MAML1: variants seen among roughly 807,000 people sequenced by gnomAD.
MAML1 encodes mastermind like transcriptional coactivator 1, also known as mastermind-like protein 1.
In MAML1, 14 loss-of-function variants were observed where a neutral mutation model predicts 77.1. That is an observed-to-expected ratio of 0.18 (90% CI 0.12 to 0.28). The LOEUF is 0.28. Ranked by LOEUF, MAML1 falls within the 10% of genes least tolerant of loss-of-function variation. The pLI, the probability that MAML1 is intolerant of heterozygous loss-of-function variation, is 1.00. For synonymous variants in MAML1, 516 were observed against 551.9 expected, an observed-to-expected ratio of 0.93 and a Z score of 0.91; for missense variants, 1,217 against 1,327.8, an observed-to-expected ratio of 0.92 and a Z score of 1.30.
Position 179,775,875 on chromosome 5 carries a change from G to A in MAML1, c.*998G>A, listed in dbSNP as rs750229949. 8.9e-5 allele frequency: 88 copies of A among 985,442 alleles called. No homozygotes were observed. Among genetic ancestry groups the A allele is most frequent in the Non-Finnish European group, 1.0e-4 (85 of 829,942 alleles). 61.0% of individuals were successfully genotyped at this position (985,442 alleles called of 1,614,324 possible). A position where few individuals can be genotyped will look rare whatever the true frequency, so the allele number is the denominator to read the frequency against. On this transcript the variant is annotated 3_prime_UTR_variant, in exon 5 of 5. Coordinates refer to ENST00000292599, the MANE Select transcript of MAML1 (RefSeq NM_014757.5). The stretch of plus-strand genomic sequence containing the variant: ...ATTATTTACTCCATTGGAGGGAAAG[G>A]AAGAGTCTTAGAATTCCTAAGGGAA...
chr5:179,753,762 G>A (rs1332215340), intron 1 of MAML1, among the ~76,000 whole-genome samples: 2 of 147,082 alleles, frequency 1.4e-5, no homozygotes, highest in Non-Finnish European at 1.5e-5. Flanking sequence ...TCCCGGGCCC[G>A]GGTTCAAGTG....
rs1345682363 is a variant in MAML1 at position 179,777,072 on chromosome 5, A to G, written c.*2195A>G. ...TTTTACTTTTATAGATTTTAAAACT[A>G]TGATCCTTTATATGTGTGTTTTGGG... On this transcript the variant is annotated 3_prime_UTR_variant, in exon 5 of 5. Transcript: ENST00000292599. The G allele has an allele frequency of 1.0e-6, 1 of 984,232 alleles. No individual in the cohort carries two copies. Among genetic ancestry groups the G allele is most frequent in the Admixed American group, 6.2e-5 (1 of 16,258 alleles). 61.0% of individuals were successfully genotyped at this position (984,232 alleles called of 1,614,324 possible). A position where few individuals can be genotyped will look rare whatever the true frequency, so the allele number is the denominator to read the frequency against.
At chr5:179,770,142 T>C (rs1164673644) in intron 3 of MAML1, among the ~76,000 whole-genome samples, 1 of 152,142 alleles carries the variant, frequency 6.6e-6, no homozygotes, top group Admixed American at 6.6e-5. Context: ...TGATCTACTT[T>C]CTGTCTCTAT....
chr5:179,744,339 C>A (rs1242355950), intron 1 of MAML1, among the ~76,000 whole-genome samples: 1 of 151,938 alleles, frequency 6.6e-6, no homozygotes, highest in Non-Finnish European at 1.5e-5. Flanking sequence ...GCACCTGCCA[C>A]CACGCCTGTC....
rs185482466 is a variant in MAML1 at position 179,766,799 on chromosome 5, C to T, written c.1731+58C>T. On this transcript the variant is annotated intron_variant, in intron 2 of 4. Coordinates refer to ENST00000292599, the MANE Select transcript of MAML1 (RefSeq NM_014757.5). The surrounding 1 kb of genome is among the most constrained non-coding windows in gnomAD (Gnocchi z 4.0). The stretch of plus-strand genomic sequence containing the variant: ...CTGCAGACACTTCAGTGAGGTTACT[C>T]ACTACTTTGGATGTTAATTGGATCC... The T allele has an allele frequency of 2.6e-3, 3,604 of 1,392,050 alleles. 7 individuals carry two copies. The highest frequency in any genetic ancestry group is 3.2e-3 in the Non-Finnish European group (3,309 of 1,036,942). The allele number at this position is 1,392,050 out of a possible 1,614,324, so 86.2% of individuals were successfully genotyped here. A position where few individuals can be genotyped will look rare whatever the true frequency, so the allele number is the denominator to read the frequency against.
intron 1 of MAML1, among the ~76,000 whole-genome samples, chr5:179,752,178 T>A (rs961961318): frequency 6.6e-6 from 1 of 150,772 alleles, no homozygotes; most frequent in Non-Finnish European, 1.5e-5. Context: ...ATACAGAAAT[T>A]AGCTGGGTGT....
intron 1 of MAML1, among the ~76,000 whole-genome samples, chr5:179,745,115 C>T (rs999359722): frequency 2.6e-5 from 4 of 151,860 alleles, no homozygotes; most frequent in Admixed American, 1.3e-4. Context: ...CCGTGTTAGC[C>T]AGGATGGTCT....
At chr5:179,751,769 G>T (rs554231675) in intron 1 of MAML1, among the ~76,000 whole-genome samples, 3 of 151,722 alleles carry the variant, frequency 2.0e-5, no homozygotes, top group African/African-American at 4.8e-5. Flanking sequence ...CCCAGCACTT[G>T]GGGAGGCTGA....
At chr5:179,749,454 T>G in intron 1 of MAML1, among the ~76,000 whole-genome samples, 1 of 151,608 alleles carries the variant, frequency 6.6e-6, no homozygotes, top group East Asian at 1.9e-4. Context: ...ACAGAAGGGG[T>G]TTCACCATGT....
Position 179,765,872 on chromosome 5 carries a change from A to G in MAML1, c.862A>G (p.Thr288Ala), listed in dbSNP as rs1464425260. The G allele has an allele frequency of 2.5e-6, 4 of 1,614,176 alleles. No homozygotes were observed. Among genetic ancestry groups the G allele is most frequent in the Non-Finnish European group, 3.4e-6 (4 of 1,180,028 alleles). ...KKDPESSGSATQTPLAQDINI... is the reference protein window; with the variant it reads ...KKDPESSGSAAQTPLAQDINI... ...GGACCCAGAGTCTTCTGGCTCTGCC[A>G]CACAAACCCCCTTGGCACAGGACAT... The change falls in exon 2 of 5, where the codon ACA (threonine) becomes GCA (alanine). Residue 288 changes from threonine to alanine, a missense_variant. This residue lies in a region of MAML1 where 884 missense variants were observed against 949.3 expected (regional missense o/e 0.93). Coordinates refer to ENST00000292599, the MANE Select transcript of MAML1 (RefSeq NM_014757.5).
chr5:179,771,009 A>C lies in MAML1; in HGVS notation c.1972-138A>C. 1.6e-6 allele frequency: 1 copy of C among 644,792 alleles called. No homozygotes were observed. The highest frequency in any genetic ancestry group is 2.8e-6 in the Non-Finnish European group (1 of 352,938). The allele number at this position is 644,792 out of a possible 1,614,324, so 39.9% of individuals were successfully genotyped here. The stretch of plus-strand genomic sequence containing the variant: ...CATACTATTTAAAAACCCCAAAATG[A>C]AATCAGCACTATTTCCACAGGAGCC... On this transcript the variant is annotated intron_variant, in intron 3 of 4. Coordinates refer to ENST00000292599, the MANE Select transcript of MAML1 (RefSeq NM_014757.5). The surrounding 1 kb of genome is among the most constrained non-coding windows in gnomAD (Gnocchi z 4.7).
chr5:179,742,260 G>A (rs1009887275), intron 1 of MAML1, among the ~76,000 whole-genome samples: 5 of 151,548 alleles, frequency 3.3e-5, no homozygotes, highest in East Asian at 2.0e-4. Flanking sequence ...AGGCCAAGGC[G>A]GGTGGATCAT....
intron 1 of MAML1, among the ~76,000 whole-genome samples, chr5:179,747,808 CAAAAAAAAAA>C (rs71001044): frequency 2.2e-4 from 9 of 40,886 alleles, no homozygotes; most frequent in Admixed American, 4.5e-4. Flanking sequence ...GACTCCATCT[CAAAAAAAAAA>C]AAAAAAAAAA....
Position 179,775,167 on chromosome 5 carries a change from C to T in MAML1, c.*290C>T. 2 of 1,131,436 alleles carry T rather than the reference C, an allele frequency of 1.8e-6. No individual in the cohort carries two copies. The highest frequency in any genetic ancestry group is 2.2e-6 in the Non-Finnish European group (2 of 922,530). 70.1% of individuals were successfully genotyped at this position (1,131,436 alleles called of 1,614,324 possible). A position where few individuals can be genotyped will look rare whatever the true frequency, so the allele number is the denominator to read the frequency against. Reference sequence around the variant, plus strand: ...TTTTCTATCCAAACGACCAAAAAACCAACAGTAACACCAGTGAAACCCCAC... The same window carrying T: ...TTTTCTATCCAAACGACCAAAAAACTAACAGTAACACCAGTGAAACCCCAC... On this transcript the variant is annotated 3_prime_UTR_variant, in exon 5 of 5. Transcript: ENST00000292599.
intron 1 of MAML1, among the ~76,000 whole-genome samples, chr5:179,758,952 C>T (rs1286254754): frequency 6.6e-6 from 1 of 151,748 alleles, no homozygotes; most frequent in Admixed American, 6.6e-5. Context: ...GAGCTGAGAT[C>T]GTGCCACTGC....
At chr5:179,757,358 A>G (rs1562563624) in intron 1 of MAML1, among the ~76,000 whole-genome samples, 1 of 151,720 alleles carries the variant, frequency 6.6e-6, no homozygotes, top group Non-Finnish European at 1.5e-5. Context: ...GCTTGAGGTC[A>G]GGAGTTCAAG....
At position 179,733,351 on chromosome 5, in the gene MAML1, C is replaced by T; in HGVS notation, c.239C>T (p.Ala80Val). 1 of 1,290,672 alleles carries T rather than the reference C, an allele frequency of 7.7e-7. No individual in the cohort carries two copies. Among genetic ancestry groups the T allele is most frequent in the South Asian group, 2.1e-5 (1 of 48,578 alleles). 80.0% of individuals were successfully genotyped at this position (1,290,672 alleles called of 1,614,324 possible). A position where few individuals can be genotyped will look rare whatever the true frequency, so the allele number is the denominator to read the frequency against. ...RAGKHRQPPAATAPAPAAPAP... is the reference protein window; with the variant it reads ...RAGKHRQPPAVTAPAPAAPAP... ...GGGAAGCACAGGCAGCCGCCCGCCG[C>T]CACGGCCCCGGCGCCCGCCGCCCCG... Residue 80 changes from alanine (A) to valine (V), a missense_variant, in exon 1 of 5, where the codon GCC becomes GTC. By Grantham distance (64) the Ala-to-Val change is moderately conservative (BLOSUM62 0). Coordinates refer to ENST00000292599, the MANE Select transcript of MAML1 (RefSeq NM_014757.5).
intron 1 of MAML1, among the ~76,000 whole-genome samples, chr5:179,746,332 G>A (rs375237824): frequency 5.9e-5 from 9 of 152,094 alleles, no homozygotes; most frequent in South Asian, 2.1e-4. Context: ...GCGGCAGAGC[G>A]AGACTCCGTC....
chr5:179,743,386 T>TTTTAA (rs1779319561), intron 1 of MAML1, among the ~76,000 whole-genome samples: 1 of 142,292 alleles, frequency 7.0e-6, no homozygotes, highest in Non-Finnish European at 1.5e-5. Flanking sequence ...TTTTTTTTTT[T>TTTTAA]AAGAGAGTCT....
Sources: allele counts gnomAD v4.1 joint callset (sites outside exome capture counted in the v4.1 genomes callset), GRCh38; gene constraint gnomAD v4.1.1; regional missense constraint gnomAD v4.1.1; non-coding constraint Gnocchi (gnomAD v3.1); transcripts MANE v1.5; gene names NCBI Gene and HGNC (gene_info 2026-07-23, HGNC 2026-07-21).